The following RSPRY1 variants were observed in gnomAD, a reference collection of about 807,000 sequenced individuals.
RSPRY1 encodes the protein RING finger and SPRY domain-containing protein 1.
In RSPRY1, 23 loss-of-function variants were observed where a neutral mutation model predicts 73.1. The observed-to-expected ratio is 0.31, with a 90% CI of 0.23 to 0.45. The LOEUF (loss-of-function observed/expected upper bound fraction) is 0.45, where lower values mean the gene tolerates loss of function less well. Ranked by LOEUF, RSPRY1 falls within the 20% of genes least tolerant of loss-of-function variation. The pLI is 1.00. For synonymous variants in RSPRY1, 226 were observed against 251.4 expected, an observed-to-expected ratio of 0.90 and a Z score of 0.95; for missense variants, 448 against 698.7, an observed-to-expected ratio of 0.64 and a Z score of 4.05.
Position 57,197,505 on chromosome 16 carries a change from TA to T in RSPRY1, c.-155-6988del, listed in dbSNP as rs76245323. Among the ~76,000 whole-genome samples, 333 of 146,884 alleles carry T rather than the reference TA, an allele frequency of 2.3e-3. 1 individual carries two copies. Among genetic ancestry groups the T allele is most frequent in the Non-Finnish European group, 3.5e-3 (229 of 66,182 alleles). ...GTTTTCACAGATGGTCCTTTTTATTTAAAAAAAAAAAGTCTGGCTTTAAAGT... is the reference window on the plus strand; with the variant it reads ...GTTTTCACAGATGGTCCTTTTTATTTAAAAAAAAAAGTCTGGCTTTAAAGT... On this transcript the variant is annotated intron_variant, in intron 1 of 14. Coordinates refer to ENST00000394420, the MANE Select transcript of RSPRY1 (RefSeq NM_133368.3).
chr16:57,218,291 T>G (rs1324326031), intron 8 of RSPRY1, among the ~76,000 whole-genome samples: 1 of 152,246 alleles, frequency 6.6e-6, no homozygotes, highest in East Asian at 1.9e-4. Flanking sequence ...ATTTATCATT[T>G]ATTTGTGTTA....
At chr16:57,218,758 C>T (rs576932727) in intron 8 of RSPRY1, among the ~76,000 whole-genome samples, 5 of 71,560 alleles carry the variant, frequency 7.0e-5, no homozygotes, top group Non-Finnish European at 9.1e-5. Context: ...TTTTTTGAGA[C>T]GGAGTCTCGC....
rs542088898 is a variant in RSPRY1 at position 57,201,851 on chromosome 16, C to T, written c.-155-2653C>T. 2.6e-5 allele frequency among the ~76,000 whole-genome samples: 4 copies of T among 152,140 alleles called. 1 individual carries two copies. The East Asian group carries it at 7.7e-4, about 29-fold the overall frequency. On this transcript the variant is annotated intron_variant, in intron 1 of 14. Coordinates refer to ENST00000394420, the MANE Select transcript of RSPRY1 (RefSeq NM_133368.3). ...GTGCGCGCCTGCAATCGCAGGCACT[C>T]GGCAGGCTGAGGCAGGAGAATCAGG...
intron 2 of RSPRY1, among the ~76,000 whole-genome samples, chr16:57,206,001 C>G (rs2074717907): frequency 1.3e-5 from 2 of 152,120 alleles, no homozygotes; most frequent in African/African-American, 4.8e-5. Flanking sequence ...TCGTTTAGTT[C>G]CTCAAAAATT....
rs778238803 is a variant in RSPRY1, at chr16:57,221,289, C to G, written c.1035C>G (p.Ser345=). 1.2e-6 allele frequency: 2 copies of G among 1,613,916 alleles called. No homozygotes were observed. The highest frequency in any genetic ancestry group is 3.3e-5 in the Admixed American group (2 of 59,992). The change falls in exon 10 of 15, where the codon TCC becomes TCG. Residue 345 remains serine, a synonymous_variant. Coordinates refer to ENST00000394420, the MANE Select transcript of RSPRY1 (RefSeq NM_133368.3). ...PHGLEARCDA[S]SFESVRCTFC... ...TTTGCCAGGCTCGCTGTGATGCCTC[C>G]TCTTTTGAAAGTGTGCGTTGCACCT... is the stretch of plus-strand genomic sequence containing the variant.
chr16:57,210,083 C>G (rs2146273573), intron 4 of RSPRY1, among the ~76,000 whole-genome samples: 1 of 137,298 alleles, frequency 7.3e-6, no homozygotes, highest in East Asian at 2.5e-4. Flanking sequence ...TCTTTCCTTC[C>G]CTTTCCTTCT....
Position 57,201,017 on chromosome 16 carries a change from C to G in RSPRY1, c.-155-3487C>G, listed in dbSNP as rs540907525. On this transcript the variant is annotated intron_variant, in intron 1 of 14. Transcript: ENST00000394420. ...GGCTGGCCGGGCGGGGGGCTGACCC[C>G]CCCACCTCCCTCCCGGATGGGCGGC... is the stretch of plus-strand genomic sequence containing the variant. Among the ~76,000 whole-genome samples the G allele has an allele frequency of 1.3e-4, 19 of 150,808 alleles. 1 individual carries two copies. In the South Asian group the frequency reaches 4.0e-3, roughly 32 times the overall value.
intron 11 of RSPRY1, among the ~76,000 whole-genome samples, chr16:57,228,598 T>A (rs2075157754): frequency 6.6e-6 from 1 of 152,190 alleles, no homozygotes; most frequent in Admixed American, 6.5e-5. Context: ...AGAGATTTTT[T>A]AAAAACACTT....
At chr16:57,200,017 A>G (rs1346659739) in intron 1 of RSPRY1, among the ~76,000 whole-genome samples, 9 of 145,320 alleles carry the variant, frequency 6.2e-5, no homozygotes, top group Admixed American at 6.2e-4. Flanking sequence ...TAAGTGAACA[A>G]AGGTCTCTGG....
intron 7 of RSPRY1, chr16:57,216,647 T>C: frequency 4.5e-6 from 2 of 442,026 alleles, no homozygotes; most frequent in Non-Finnish European, 4.1e-6. Context: ...TTGAGCCCAG[T>C]AGTTCAAGGT....
chr16:57,218,541 G>A (rs1567505852), intron 8 of RSPRY1, among the ~76,000 whole-genome samples: 1 of 151,454 alleles, frequency 6.6e-6, no homozygotes, highest in Admixed American at 6.6e-5. Context: ...ATCTTCATGA[G>A]TTCAGTTGTT....
chr16:57,186,678 G>A (rs1425357989), intron 1 of RSPRY1: 2 of 152,124 alleles, frequency 1.3e-5, no homozygotes, highest in Non-Finnish European at 2.9e-5. Context: ...CGCGCTTGAG[G>A]GATCTGAAGA....
intron 13 of RSPRY1, 30 bp downstream of exon 13, chr16:57,231,349 C>A (rs1265774625): frequency 6.3e-7 from 1 of 1,574,884 alleles, no homozygotes; most frequent in South Asian, 1.1e-5. Flanking sequence ...TATCTCCAGA[C>A]TTTCACATGA....
intron 10 of RSPRY1, among the ~76,000 whole-genome samples, chr16:57,225,013 G>A (rs1237186686): frequency 2.6e-5 from 4 of 152,164 alleles, no homozygotes; most frequent in African/African-American, 4.8e-5. Flanking sequence ...CTTGTTCAGC[G>A]TTTGAAAGGT....
chr16:57,213,761 C>T, intron 5 of RSPRY1, 127 bp from the exon 6 acceptor site: 1 of 743,176 alleles, frequency 1.3e-6, no homozygotes, highest in Non-Finnish European at 2.3e-6. Flanking sequence ...TATTTTCTAC[C>T]TCAGAGCAGG....
chr16:57,208,400 A>AT (rs1455912780), intron 3 of RSPRY1, among the ~76,000 whole-genome samples: 1,881 of 49,998 alleles, frequency 0.038, 120 homozygotes, highest in East Asian at 0.24. Flanking sequence ...ATATATATAT[A>AT]TTTTTTTTTT....
At chr16:57,227,267 C>G in intron 10 of RSPRY1, 75 bp from the exon 11 acceptor site, 1 of 956,568 alleles carries the variant, frequency 1.0e-6, no homozygotes, top group South Asian at 1.4e-5. Context: ...GGTCAGTGGT[C>G]GTAAAAGACA....
chr16:57,213,117 A>G lies in RSPRY1; in HGVS notation c.643+19A>G, dbSNP rs1478355928. On this transcript the variant is annotated intron_variant, in intron 5 of 14. Coordinates refer to ENST00000394420, the MANE Select transcript of RSPRY1 (RefSeq NM_133368.3). ...CTAGCAGGTAACTTTGGGACACTCC[A>G]CAGTGGAAGATCTTAAGTTGTTTGA... 1 of 1,604,916 alleles carries G rather than the reference A, an allele frequency of 6.2e-7. No homozygotes were observed. The highest frequency in any genetic ancestry group is 1.1e-5 in the South Asian group (1 of 89,788).
chr16:57,207,435 CT>C (rs1323959265), intron 2 of RSPRY1, among the ~76,000 whole-genome samples: 1 of 152,072 alleles, frequency 6.6e-6, no homozygotes, highest in Non-Finnish European at 1.5e-5. Context: ...TGAAGTTCCC[CT>C]GAAGGACTTT....
Sources: allele counts gnomAD v4.1 joint callset (sites outside exome capture counted in the v4.1 genomes callset), GRCh38; gene constraint gnomAD v4.1.1; transcripts MANE v1.5; gene names NCBI Gene and HGNC (gene_info 2026-07-23, HGNC 2026-07-21).